Variants in TVP23C observed in about 807,000 individuals in gnomAD.
The protein encoded by TVP23C is trans-golgi network vesicle protein 23 homolog C.
In TVP23C, 19 loss-of-function variants were observed where a neutral mutation model predicts 28.7. That is an observed-to-expected ratio of 0.66 (90% CI 0.46 to 0.97). The LOEUF is 0.97. Among genes scored for constraint, TVP23C ranks in the 50% least tolerant of loss-of-function variants. The pLI is 0.00. For synonymous variants in TVP23C, 68 were observed against 81.7 expected, an observed-to-expected ratio of 0.83 and a Z score of 0.90; for missense variants, 186 against 241.3, an observed-to-expected ratio of 0.77 and a Z score of 1.52.
chr17:15,553,502 T>A (rs931534947), intron 3 of TVP23C, among the ~76,000 whole-genome samples, 183 bp downstream of exon 3: 1 of 146,956 alleles, frequency 6.8e-6, no homozygotes, highest in African/African-American at 2.5e-5. Flanking sequence ...TCTCATCTTG[T>A]ATTGTCAAAG....
rs1983242182 is a variant in TVP23C, at chr17:15,538,253, A to C, written c.*2159T>G. ...CCTAGGAAAACATTCTATATTTCTA[A>C]GCAGAGCATTACCTTACATACAATG... On this transcript the variant is annotated 3_prime_UTR_variant, in exon 6 of 6. Transcript: ENST00000518321. The C allele has an allele frequency of 2.5e-6, 4 of 1,588,992 alleles. No individual in the cohort carries two copies. In the East Asian group the frequency reaches 9.0e-5, roughly 36 times the overall value.
chr17:15,559,346 C>A (rs1460513870), intron 1 of TVP23C, among the ~76,000 whole-genome samples: 4 of 139,898 alleles, frequency 2.9e-5, no homozygotes, highest in Non-Finnish European at 6.2e-5. Context: ...AGACAAATAG[C>A]TCTGCACTCC....
chr17:15,561,122 G>A (rs1206084734), intron 1 of TVP23C, among the ~76,000 whole-genome samples: 4 of 152,098 alleles, frequency 2.6e-5, no homozygotes, highest in African/African-American at 7.2e-5. Flanking sequence ...GTCTTCCGAC[G>A]GCTTCCATTT....
At chr17:15,545,306 T>C (rs58935206) in intron 5 of TVP23C, among the ~76,000 whole-genome samples, 1 of 133,092 alleles carries the variant, frequency 7.5e-6, no homozygotes, top group African/African-American at 2.8e-5. Context: ...CCAAGGCACA[T>C]GGAAAAACAT....
intron 5 of TVP23C, chr17:15,530,728 A>AG (rs1291185002): frequency 6.8e-6 from 1 of 146,082 alleles, no homozygotes; most frequent in Non-Finnish European, 1.5e-5. Flanking sequence ...GAATTCTCTT[A>AG]GTTTTTATCT....
chr17:15,538,463 G>A lies in TVP23C; in HGVS notation c.*1949C>T, dbSNP rs1188264760. 185 of 675,270 alleles carry A rather than the reference G, an allele frequency of 2.7e-4. 1 individual carries two copies. The highest frequency in any genetic ancestry group is 2.9e-4 in the African/African-American group (15 of 51,084). 41.8% of individuals were successfully genotyped at this position (675,270 alleles called of 1,614,324 possible). ...AAATTAGCCAGGCGTGGTGGCGGGC[G>A]CCTGCAATCCCAGCTACTCGGGAGG... On this transcript the variant is annotated 3_prime_UTR_variant, in exon 6 of 6. Transcript: ENST00000518321.
intron 1 of TVP23C, among the ~76,000 whole-genome samples, chr17:15,556,019 C>T (rs1183613944): frequency 4.6e-5 from 7 of 152,138 alleles, no homozygotes; most frequent in African/African-American, 1.4e-4. Flanking sequence ...CGGGTTCAAA[C>T]GATTCTCCTG....
At chr17:15,514,978 C>T (rs779659776) in intron 5 of TVP23C, among the ~76,000 whole-genome samples, 39 of 152,090 alleles carry the variant, frequency 2.6e-4, no homozygotes, top group Non-Finnish European at 5.0e-4. Flanking sequence ...GCATCTTTCC[C>T]GAGCTTCAGT....
rs200265363 is a variant in TVP23C, at chr17:15,531,265, T to TA, written c.462+14519dup. 4.9e-3 allele frequency among the ~76,000 whole-genome samples: 740 copies of TA among 152,344 alleles called. 3 individuals carry two copies. Among genetic ancestry groups the TA allele is most frequent in the African/African-American group, 0.017 (706 of 41,574 alleles). On this transcript the variant is annotated intron_variant, in intron 5 of 5. Coordinates refer to the TVP23C transcript ENST00000225576. ...TCTCTGGCTTTTGACAGCTTGATTG[T>TA]AATGTGTTTAGTAATAGATCTCTGA...
chr17:15,556,502 C>T (rs1429163018), intron 1 of TVP23C, among the ~76,000 whole-genome samples: 1 of 152,032 alleles, frequency 6.6e-6, no homozygotes, highest in East Asian at 1.9e-4. Context: ...GCTGGGACTA[C>T]AGGCGCGTGC....
intron 5 of TVP23C, among the ~76,000 whole-genome samples, chr17:15,521,514 C>A (rs1476095487): frequency 2.0e-5 from 3 of 151,680 alleles, no homozygotes; most frequent in South Asian, 2.1e-4. Context: ...AAAAAAAAAA[C>A]AAAATTATTA....
intron 3 of TVP23C, among the ~76,000 whole-genome samples, chr17:15,548,859 G>GT (rs1242465463): frequency 6.6e-6 from 1 of 152,120 alleles, no homozygotes; most frequent in Non-Finnish European, 1.5e-5. Flanking sequence ...ATAATGCACA[G>GT]TAAGAGAATA....
intron 5 of TVP23C, among the ~76,000 whole-genome samples, chr17:15,505,442 T>C (rs1327157373): frequency 2.0e-5 from 3 of 152,174 alleles, no homozygotes; most frequent in Non-Finnish European, 4.4e-5. Flanking sequence ...CCCAGCACTG[T>C]TGTTTCCTTC....
intron 1 of TVP23C, chr17:15,563,021 T>G (rs1984471828): frequency 4.3e-6 from 1 of 234,598 alleles, no homozygotes; most frequent in African/African-American, 2.2e-5. Flanking sequence ...CCAACAACAT[T>G]AGTTTGGAAA....
chr17:15,549,756 AG>A (rs1378116750), intron 3 of TVP23C, among the ~76,000 whole-genome samples: 1 of 152,168 alleles, frequency 6.6e-6, no homozygotes, highest in Non-Finnish European at 1.5e-5. Flanking sequence ...AGAGGCCTTA[AG>A]TTGTGAGGAC....
intron 5 of TVP23C, among the ~76,000 whole-genome samples, chr17:15,525,821 C>T (rs1313788231): frequency 6.6e-6 from 1 of 152,162 alleles, no homozygotes. Context: ...GGCAGACTGT[C>T]CAGATAGGAA....
rs547852143 is a variant in TVP23C, at chr17:15,561,313, A to C, written c.12+2124T>G. On this transcript the variant is annotated intron_variant, in intron 1 of 5. Coordinates refer to ENST00000518321, the MANE Select transcript of TVP23C (RefSeq NM_001135036.2). Reference sequence around the variant, plus strand: ...CATCACAAACTTATCAAGTGGGAACAGTCGGCCGGGCCTGGCGGCTCACGC... The same window carrying C: ...CATCACAAACTTATCAAGTGGGAACCGTCGGCCGGGCCTGGCGGCTCACGC... Among the ~76,000 whole-genome samples the C allele has an allele frequency of 8.5e-5, 13 of 152,228 alleles. No individual in the cohort carries two copies. In the South Asian group the frequency reaches 2.5e-3, roughly 29 times the overall value.
At chr17:15,544,684 T>C (rs1983565567) in intron 5 of TVP23C, among the ~76,000 whole-genome samples, 1 of 152,146 alleles carries the variant, frequency 6.6e-6, no homozygotes, top group African/African-American at 2.4e-5. Flanking sequence ...CCATAAATAC[T>C]GAATACATTT....
At chr17:15,507,607 C>T (rs1232341917) in intron 5 of TVP23C, among the ~76,000 whole-genome samples, 4 of 152,206 alleles carry the variant, frequency 2.6e-5, no homozygotes, top group South Asian at 2.1e-4. Context: ...GGGAGGCCGA[C>T]GCAGGCGGAT....
Sources: allele counts gnomAD v4.1 joint callset (sites outside exome capture counted in the v4.1 genomes callset), GRCh38; gene constraint gnomAD v4.1.1; transcripts MANE v1.5; gene names NCBI Gene and HGNC (gene_info 2026-07-23, HGNC 2026-07-21).